NELL1: variants seen among roughly 807,000 people sequenced by gnomAD.
NELL1 encodes neural EGFL like 1.
A neutral mutation model predicts 107.4 loss-of-function variants in NELL1; 76 were observed. That is an observed-to-expected ratio of 0.71 (90% CI 0.59 to 0.86). The LOEUF (loss-of-function observed/expected upper bound fraction) is 0.86, where lower values mean the gene tolerates loss of function less well. NELL1 is among the 40% of genes least tolerant of loss of function. The pLI is 0.00. For synonymous variants in NELL1, 353 were observed against 341.2 expected (o/e 1.03, Z -0.38); for missense variants, 1,024 against 1,005.5 (o/e 1.02, Z -0.25).
chr11:20,714,014 G>A (rs1208903436), intron 2 of NELL1, among the ~76,000 whole-genome samples: 4 of 151,972 alleles, frequency 2.6e-5, no homozygotes, highest in African/African-American at 9.7e-5. Context: ...TTTTTTGTCT[G>A]TCTCCCAGAG....
intron 14 of NELL1, among the ~76,000 whole-genome samples, chr11:21,302,467 C>G (rs574414295): frequency 6.6e-6 from 1 of 152,094 alleles, no homozygotes; most frequent in South Asian, 2.1e-4. Flanking sequence ...GATGTTATTA[C>G]CTCAGAGTAA....
At chr11:21,354,752 T>G (rs1339475829) in intron 14 of NELL1, among the ~76,000 whole-genome samples, 3 of 152,158 alleles carry the variant, frequency 2.0e-5, no homozygotes, top group African/African-American at 4.8e-5. Flanking sequence ...TCACTGCAGG[T>G]TGGATTCGTA....
chr11:21,544,792 A>G (rs1199055938), intron 16 of NELL1, among the ~76,000 whole-genome samples: 1 of 151,914 alleles, frequency 6.6e-6, no homozygotes, highest in African/African-American at 2.4e-5. Flanking sequence ...ACACTAATTG[A>G]AAACTTGAGA....
At chr11:21,536,613 C>T (rs1354719736) in intron 16 of NELL1, among the ~76,000 whole-genome samples, 2 of 152,114 alleles carry the variant, frequency 1.3e-5, no homozygotes, top group Admixed American at 1.3e-4. Flanking sequence ...GACTATTGAG[C>T]AGCGAATGGG....
chr11:20,763,642 A>G (rs1355362012), intron 2 of NELL1, among the ~76,000 whole-genome samples: 1 of 152,202 alleles, frequency 6.6e-6, no homozygotes, highest in Non-Finnish European at 1.5e-5. Flanking sequence ...GTATTTGTAC[A>G]TTACACGGAA....
intron 15 of NELL1, among the ~76,000 whole-genome samples, chr11:21,462,972 G>A (rs1236359813): frequency 1.3e-5 from 2 of 151,874 alleles, no homozygotes; most frequent in Non-Finnish European, 2.9e-5. Context: ...GGAACACCAA[G>A]AAAAAAATGT....
At chr11:21,398,796 G>T (rs1182017131) in intron 15 of NELL1, among the ~76,000 whole-genome samples, 1 of 151,682 alleles carries the variant, frequency 6.6e-6, no homozygotes, top group Non-Finnish European at 1.5e-5. Flanking sequence ...ATATCTTCCT[G>T]ATTTAAAAGG....
At chr11:21,309,209 T>C (rs985255978) in intron 14 of NELL1, among the ~76,000 whole-genome samples, 7 of 147,528 alleles carry the variant, frequency 4.7e-5, no homozygotes, top group Non-Finnish European at 8.9e-5. Flanking sequence ...TTTATTACTC[T>C]ATGTATGCCT....
At chr11:20,852,137 C>T (rs1564934195) in intron 4 of NELL1, among the ~76,000 whole-genome samples, 1 of 152,198 alleles carries the variant, frequency 6.6e-6, no homozygotes, top group Non-Finnish European at 1.5e-5. Flanking sequence ...TAAGTGCAGT[C>T]TATCACATTT....
intron 15 of NELL1, among the ~76,000 whole-genome samples, chr11:21,530,552 T>C (rs1419666742): frequency 6.6e-6 from 1 of 152,116 alleles, no homozygotes; most frequent in Non-Finnish European, 1.5e-5. Context: ...ACGTAGGACT[T>C]TTCATTGCAA....
At chr11:21,488,403 C>A (rs943480665) in intron 15 of NELL1, among the ~76,000 whole-genome samples, 2 of 151,950 alleles carry the variant, frequency 1.3e-5, no homozygotes, top group South Asian at 2.1e-4. Flanking sequence ...GGGCCTTCAG[C>A]TTTGATTCTG....
intron 3 of NELL1, among the ~76,000 whole-genome samples, chr11:20,817,004 G>A (rs1857637510): frequency 6.6e-6 from 1 of 152,128 alleles, no homozygotes; most frequent in Non-Finnish European, 1.5e-5. Context: ...TGATCATGAA[G>A]AATCAAGTTC....
chr11:20,912,672 C>T (rs866175081), intron 5 of NELL1, among the ~76,000 whole-genome samples: 4 of 152,058 alleles, frequency 2.6e-5, no homozygotes, highest in African/African-American at 7.2e-5. Flanking sequence ...GGGTCTGAAA[C>T]CTTTCCCTTA....
At chr11:21,245,116 A>C (rs1033969942) in intron 14 of NELL1, among the ~76,000 whole-genome samples, 2 of 152,154 alleles carry the variant, frequency 1.3e-5, no homozygotes, top group Admixed American at 1.3e-4. Flanking sequence ...TACACAGGCC[A>C]TTCCTAATTT....
At chr11:21,005,394 A>G (rs1852306839) in intron 12 of NELL1, among the ~76,000 whole-genome samples, 2 of 152,182 alleles carry the variant, frequency 1.3e-5, no homozygotes, top group Non-Finnish European at 1.5e-5. Context: ...ATCTCAGGCT[A>G]CATTTCCACC....
At chr11:20,858,142 G>C (rs1191877701) in intron 4 of NELL1, among the ~76,000 whole-genome samples, 2 of 152,162 alleles carry the variant, frequency 1.3e-5, no homozygotes, top group African/African-American at 4.8e-5. Flanking sequence ...TACTCTACAA[G>C]TCCCTTAGCA....
intron 14 of NELL1, among the ~76,000 whole-genome samples, chr11:21,308,496 C>A (rs1849657361): frequency 6.6e-6 from 1 of 151,976 alleles, no homozygotes; most frequent in Non-Finnish European, 1.5e-5. Flanking sequence ...GTGATGAAAG[C>A]AGCATAATCT....
At chr11:20,694,956 C>G (rs1285278888) in intron 2 of NELL1, among the ~76,000 whole-genome samples, 5 of 152,046 alleles carry the variant, frequency 3.3e-5, no homozygotes, top group Non-Finnish European at 7.4e-5. Context: ...CTTGTGTCAT[C>G]TATAGTTTCC....
intron 4 of NELL1, among the ~76,000 whole-genome samples, chr11:20,866,934 A>G (rs764655961): frequency 2.4e-4 from 36 of 152,356 alleles, no homozygotes; most frequent in Non-Finnish European, 4.1e-4. Flanking sequence ...GTGGACATTC[A>G]ACAATATTTG....
Sources: allele counts gnomAD v4.1 joint callset (sites outside exome capture counted in the v4.1 genomes callset), GRCh38; gene constraint gnomAD v4.1.1; transcripts MANE v1.5; gene names NCBI Gene and HGNC (gene_info 2026-07-23, HGNC 2026-07-21).